Variants in TSC22D1 observed in about 807,000 individuals in gnomAD.
TSC22D1 encodes the protein TSC22 domain family protein 1.
TSC22D1 carries 9 observed loss-of-function variants against 74.2 expected under a neutral mutation model. That is an observed-to-expected ratio of 0.12 (90% CI 0.07 to 0.21). The LOEUF (loss-of-function observed/expected upper bound fraction) is 0.21, where lower values mean the gene tolerates loss of function less well. TSC22D1 is among the 10% of genes least tolerant of loss of function. The pLI is 1.00. For missense variants in TSC22D1, 1,427 were observed against 1,304.7 expected (o/e 1.09, Z -1.44); for synonymous variants, 586 against 492.5 (o/e 1.19, Z -2.51).
chr13:44,528,085 C>T (rs551857955), intron 1 of TSC22D1, among the ~76,000 whole-genome samples: 1 of 152,082 alleles, frequency 6.6e-6, no homozygotes, highest in Admixed American at 6.5e-5. Context: ...TAGTCAAATC[C>T]ACTATCATAG....
chr13:44,502,364 A>T (rs1348910969), intron 1 of TSC22D1, among the ~76,000 whole-genome samples: 1 of 152,208 alleles, frequency 6.6e-6, no homozygotes, highest in African/African-American at 2.4e-5. Context: ...GTCCAACAAT[A>T]CTAGTTTTAA....
rs186517399 is a variant in TSC22D1, at chr13:44,455,394, T to C, written c.2913-19299A>G. 9.0e-4 allele frequency among the ~76,000 whole-genome samples: 137 copies of C among 152,342 alleles called. 1 individual carries two copies. The highest frequency in any genetic ancestry group is 3.2e-3 in the African/African-American group (132 of 41,572). On this transcript the variant is annotated intron_variant, in intron 1 of 2. Transcript: ENST00000458659. ...TACAAGAGATCTCTCTCACTTTTGCTATCTTGGTTTTCTGAAAGACTCTTT... is the reference window on the plus strand; with the variant it reads ...TACAAGAGATCTCTCTCACTTTTGCCATCTTGGTTTTCTGAAAGACTCTTT...
At chr13:44,538,895 A>G in intron 1 of TSC22D1, 1 of 985,408 alleles carries the variant, frequency 1.0e-6, no homozygotes, top group South Asian at 4.7e-5. Flanking sequence ...AAATCTGGGC[A>G]ATTAAAGAAC....
At chr13:44,564,492 C>T (rs1883242842) in intron 1 of TSC22D1, among the ~76,000 whole-genome samples, 1 of 152,086 alleles carries the variant, frequency 6.6e-6, no homozygotes. Context: ...AGTGAGATGG[C>T]ATAGGGGATA....
chr13:44,572,364 G>C (rs1883828779), intron 1 of TSC22D1, among the ~76,000 whole-genome samples: 1 of 152,198 alleles, frequency 6.6e-6, no homozygotes, highest in African/African-American at 2.4e-5. Context: ...GGTAAGGAAA[G>C]AAAGGAACAG....
intron 1 of TSC22D1, among the ~76,000 whole-genome samples, chr13:44,446,836 G>A (rs1177585966): frequency 1.5e-5 from 2 of 134,808 alleles, no homozygotes; most frequent in African/African-American, 2.7e-5. Context: ...AGAAGAGGAG[G>A]AGGAAGAAGA....
At chr13:44,527,872 T>C (rs1182433695) in intron 1 of TSC22D1, among the ~76,000 whole-genome samples, 1 of 152,078 alleles carries the variant, frequency 6.6e-6, no homozygotes, top group East Asian at 1.9e-4. Flanking sequence ...TATGCTATGC[T>C]AACACTAATC....
intron 1 of TSC22D1, among the ~76,000 whole-genome samples, chr13:44,551,388 G>GT (rs1566169486): frequency 1.8e-5 from 2 of 114,140 alleles, no homozygotes; most frequent in East Asian, 5.1e-4. Context: ...CCAATCAGAT[G>GT]GGTGTGTGTG....
At chr13:44,510,505 G>T (rs1338519252) in intron 1 of TSC22D1, among the ~76,000 whole-genome samples, 2 of 152,138 alleles carry the variant, frequency 1.3e-5, no homozygotes, top group Non-Finnish European at 2.9e-5. Flanking sequence ...AAATATGAAT[G>T]TTCTTCACAG....
intron 1 of TSC22D1, among the ~76,000 whole-genome samples, chr13:44,492,943 C>T (rs570496694): frequency 6.6e-6 from 1 of 152,174 alleles, no homozygotes; most frequent in East Asian, 1.9e-4. Context: ...CATCTGCTAA[C>T]TCAAATCCCT....
At chr13:44,441,489 G>A (rs1181483202) in intron 1 of TSC22D1, among the ~76,000 whole-genome samples, 1 of 152,072 alleles carries the variant, frequency 6.6e-6, no homozygotes, top group Non-Finnish European at 1.5e-5. Context: ...TATTGAGAAG[G>A]TAACAGGAAG....
At position 44,434,274 on chromosome 13, in the gene TSC22D1, C is replaced by G; in HGVS notation, c.*352G>C. 7.2e-7 allele frequency: 1 copy of G among 1,388,192 alleles called. No homozygotes were observed. The highest frequency in any genetic ancestry group is 9.2e-7 in the Non-Finnish European group (1 of 1,082,236). 86.0% of individuals were successfully genotyped at this position (1,388,192 alleles called of 1,614,324 possible). On this transcript the variant is annotated 3_prime_UTR_variant, in exon 3 of 3. Coordinates refer to ENST00000458659, the MANE Select transcript of TSC22D1 (RefSeq NM_183422.4). ...CCCCATGTAGGACACTAAGCGCAAGCAGGAGAGAGAACCCTTGGAAGTGAG... is the reference window on the plus strand; with the variant it reads ...CCCCATGTAGGACACTAAGCGCAAGGAGGAGAGAGAACCCTTGGAAGTGAG...
In TSC22D1 at chr13:44,575,979, G is replaced by C. The variant is rs1218994408; in HGVS notation, c.96C>G (p.Gly32=). The change falls in exon 1 of 3, where the codon GGC becomes GGG. Residue 32 remains glycine, a synonymous_variant. Coordinates refer to ENST00000458659, the MANE Select transcript of TSC22D1 (RefSeq NM_183422.4). ...MAHPAMFPRR[G]SGSGSASALN... Reference sequence around the variant, plus strand: ...GAGCAGAGGCGCTGCCACTACCGCTGCCCCTTCGAGGGAACATTGCCGGGT... The same window carrying C: ...GAGCAGAGGCGCTGCCACTACCGCTCCCCCTTCGAGGGAACATTGCCGGGT... 1 of 1,601,646 alleles carries C rather than the reference G, an allele frequency of 6.2e-7. No homozygotes were observed. Among genetic ancestry groups the C allele is most frequent in the African/African-American group, 1.3e-5 (1 of 74,694 alleles).
intron 1 of TSC22D1, among the ~76,000 whole-genome samples, chr13:44,502,575 T>A (rs1363509603): frequency 6.6e-6 from 1 of 152,278 alleles, no homozygotes; most frequent in Non-Finnish European, 1.5e-5. Flanking sequence ...GCTTAGCTCA[T>A]TAGGGCTCAA....
intron 1 of TSC22D1, among the ~76,000 whole-genome samples, chr13:44,517,780 C>CACAT (rs1880077429): frequency 1.8e-5 from 2 of 110,550 alleles, no homozygotes; most frequent in African/African-American, 3.4e-5. Flanking sequence ...TATATATACA[C>CACAT]ATATATATAC....
At position 44,434,600 on chromosome 13, in the gene TSC22D1, A is replaced by C; in HGVS notation, c.*26T>G. 6.6e-7 allele frequency: 1 copy of C among 1,513,946 alleles called. No individual in the cohort carries two copies. The highest frequency in any genetic ancestry group is 8.8e-7 in the Non-Finnish European group (1 of 1,134,006). 93.8% of individuals were successfully genotyped at this position (1,513,946 alleles called of 1,614,324 possible). A position where few individuals can be genotyped will look rare whatever the true frequency, so the allele number is the denominator to read the frequency against. ...TCCGTCTGTTCAGTTCACACGCAGC[A>C]GCCAGTTCTGCGGGGGCATAGGCAG... On this transcript the variant is annotated 3_prime_UTR_variant, in exon 3 of 3. Coordinates refer to ENST00000458659, the MANE Select transcript of TSC22D1 (RefSeq NM_183422.4).
At chr13:44,486,604 C>T (rs1878436609) in intron 1 of TSC22D1, among the ~76,000 whole-genome samples, 1 of 152,128 alleles carries the variant, frequency 6.6e-6, no homozygotes, top group African/African-American at 2.4e-5. Flanking sequence ...AAAAACTTGA[C>T]TGAATGGACA....
At chr13:44,535,382 T>C (rs1178678816) in intron 1 of TSC22D1, among the ~76,000 whole-genome samples, 1 of 152,078 alleles carries the variant, frequency 6.6e-6, no homozygotes, top group African/African-American at 2.4e-5. Flanking sequence ...GTGCTGAATT[T>C]TGAAACAAGT....
At position 44,575,902 on chromosome 13, in the gene TSC22D1, A is replaced by C. The variant is rs766171303; in HGVS notation, c.173T>G (p.Phe58Cys). The C allele has an allele frequency of 6.2e-7, 1 of 1,613,898 alleles. No homozygotes were observed. Among genetic ancestry groups the C allele is most frequent in the Non-Finnish European group, 8.5e-7 (1 of 1,179,978 alleles). ...CGGCTGAAGCAGCGACGGAGGCGGA[A>C]AATCCTCGGAAGATGTGGCATTACT... ...VGSNATSSED[F>C]PPPSLLQPPP... Residue 58 changes from phenylalanine (F) to cysteine (C), a missense_variant, in exon 1 of 3, where the codon TTT becomes TGT. Transcript: ENST00000458659.
Sources: allele counts gnomAD v4.1 joint callset (sites outside exome capture counted in the v4.1 genomes callset), GRCh38; gene constraint gnomAD v4.1.1; transcripts MANE v1.5; gene names NCBI Gene and HGNC (gene_info 2026-07-23, HGNC 2026-07-21).